Variants in NR6A1 observed in about 807,000 individuals in gnomAD.
The protein encoded by NR6A1 is retinoic acid receptor-related testis-associated receptor.
NR6A1 carries 7 observed loss-of-function variants against 59.1 expected under a neutral mutation model. That is an observed-to-expected ratio of 0.12 (90% CI 0.07 to 0.22). The LOEUF (loss-of-function observed/expected upper bound fraction) is 0.22, where lower values mean the gene tolerates loss of function less well. NR6A1 is among the 10% of genes least tolerant of loss of function. NR6A1 has a pLI of 1.00. For synonymous variants in NR6A1, 243 were observed against 236.1 expected (o/e 1.03, Z -0.27); for missense variants, 468 against 611.6 (o/e 0.77, Z 2.48).
At chr9:124,668,652 A>C (rs1837700286) in intron 2 of NR6A1, among the ~76,000 whole-genome samples, 1 of 152,226 alleles carries the variant, frequency 6.6e-6, no homozygotes, top group Non-Finnish European at 1.5e-5. Flanking sequence ...TCATTTGTTC[A>C]CTTACAAGCA....
chr9:124,708,349 C>T (rs564836998), intron 2 of NR6A1, among the ~76,000 whole-genome samples: 14 of 152,320 alleles, frequency 9.2e-5, no homozygotes, highest in African/African-American at 2.6e-4. Context: ...CCAGGCAACA[C>T]GACAAAACTC....
chr9:124,612,257 G>C (rs1460771787), intron 2 of NR6A1, among the ~76,000 whole-genome samples: 1 of 152,134 alleles, frequency 6.6e-6, no homozygotes, highest in African/African-American at 2.4e-5. Context: ...CACTCTCATA[G>C]TCCACCCAGA....
At chr9:124,751,439 G>A (rs557132534) in intron 1 of NR6A1, among the ~76,000 whole-genome samples, 2 of 152,164 alleles carry the variant, frequency 1.3e-5, no homozygotes, top group East Asian at 1.9e-4. Context: ...AATAACATTC[G>A]AAACTCCTGG....
chr9:124,529,950 A>G (rs1387584095), intron 7 of NR6A1, among the ~76,000 whole-genome samples: 3 of 152,220 alleles, frequency 2.0e-5, no homozygotes, highest in African/African-American at 7.2e-5. Flanking sequence ...AAAGGAGGAC[A>G]CAACGGGAGA....
At chr9:124,651,203 T>C (rs1837092434) in intron 2 of NR6A1, among the ~76,000 whole-genome samples, 2 of 152,140 alleles carry the variant, frequency 1.3e-5, no homozygotes, top group South Asian at 2.1e-4. Context: ...ACTACAAGTG[T>C]GTGCCACTAT....
At chr9:124,617,001 C>G (rs1835913601) in intron 2 of NR6A1, among the ~76,000 whole-genome samples, 2 of 152,104 alleles carry the variant, frequency 1.3e-5, no homozygotes, top group Admixed American at 1.3e-4. Context: ...CACATGTTCA[C>G]AAAAATATAC....
chr9:124,683,398 T>A (rs934339571), intron 2 of NR6A1, among the ~76,000 whole-genome samples: 14 of 152,230 alleles, frequency 9.2e-5, no homozygotes, highest in African/African-American at 3.1e-4. Flanking sequence ...TACAGCAAGC[T>A]GGAAGTTTGG....
chr9:124,637,253 T>C (rs373244849), intron 2 of NR6A1, among the ~76,000 whole-genome samples: 2 of 152,162 alleles, frequency 1.3e-5, no homozygotes, highest in African/African-American at 4.8e-5. Flanking sequence ...CTAAAAACAT[T>C]AGTAATTGTG....
intron 2 of NR6A1, among the ~76,000 whole-genome samples, chr9:124,653,840 T>C (rs182288695): frequency 6.6e-6 from 1 of 152,360 alleles, no homozygotes; most frequent in African/African-American, 2.4e-5. Flanking sequence ...CCTCTTCACT[T>C]ATCAATTTCA....
intron 2 of NR6A1, among the ~76,000 whole-genome samples, chr9:124,668,533 A>T (rs766694786): frequency 6.6e-6 from 1 of 152,248 alleles, no homozygotes; most frequent in Non-Finnish European, 1.5e-5. Flanking sequence ...AGAAAAACAT[A>T]AAAAGGAAAA....
At chr9:124,712,074 G>A (rs114794561) in intron 2 of NR6A1, among the ~76,000 whole-genome samples, 350 of 152,164 alleles carry the variant, frequency 2.3e-3, no homozygotes, top group African/African-American at 7.2e-3. Context: ...TTTGGTTAGG[G>A]CCTGTTGCCA....
intron 2 of NR6A1, among the ~76,000 whole-genome samples, chr9:124,637,007 TA>T (rs746517063): frequency 6.6e-6 from 1 of 152,146 alleles, no homozygotes; most frequent in African/African-American, 2.4e-5. Flanking sequence ...GGAAATAAAC[TA>T]ATGTACTTAC....
chr9:124,702,004 T>C (rs1167284824), intron 2 of NR6A1, among the ~76,000 whole-genome samples: 4 of 152,184 alleles, frequency 2.6e-5, no homozygotes, highest in Admixed American at 6.5e-5. Flanking sequence ...GGATTACAGG[T>C]GTGAGCCACC....
chr9:124,528,489 C>A lies in NR6A1; in HGVS notation c.1080-1589G>T, dbSNP rs1232438542. Among the ~76,000 whole-genome samples, 3 of 152,126 alleles carry A rather than the reference C, an allele frequency of 2.0e-5. No homozygotes were observed. The East Asian group carries it at 5.8e-4, about 29-fold the overall frequency. On this transcript the variant is annotated intron_variant, in intron 7 of 9. Transcript: ENST00000487099. ...GCTGAGGTAGGCAGACTGCTTGAGC[C>A]CAGGAGTTCACGACCAGCCTGGGCA...
At chr9:124,674,852 A>G (rs1159207205) in intron 2 of NR6A1, among the ~76,000 whole-genome samples, 3 of 152,236 alleles carry the variant, frequency 2.0e-5, no homozygotes, top group Non-Finnish European at 4.4e-5. Context: ...TGTATTTTCT[A>G]GCTCCGCCTT....
chr9:124,551,782 G>T (rs1179488789), intron 3 of NR6A1, among the ~76,000 whole-genome samples: 1 of 152,002 alleles, frequency 6.6e-6, no homozygotes, highest in African/African-American at 2.4e-5. Flanking sequence ...TTTTTTTGTG[G>T]TGTAAAGTTC....
intron 2 of NR6A1, among the ~76,000 whole-genome samples, chr9:124,706,283 T>A (rs1282902277): frequency 6.6e-6 from 1 of 152,204 alleles, no homozygotes; most frequent in Non-Finnish European, 1.5e-5. Flanking sequence ...CTCTATATAA[T>A]CTTGTCTTTT....
At chr9:124,574,863 C>T (rs1161180771) in intron 2 of NR6A1, among the ~76,000 whole-genome samples, 2 of 152,134 alleles carry the variant, frequency 1.3e-5, no homozygotes, top group African/African-American at 2.4e-5. Context: ...TATTACCTTT[C>T]GGGTATAAAG....
chr9:124,748,738 G>C (rs967121575), intron 1 of NR6A1, among the ~76,000 whole-genome samples: 12 of 151,874 alleles, frequency 7.9e-5, no homozygotes, highest in African/African-American at 2.7e-4. Flanking sequence ...GGTGGCAGGC[G>C]CCTGTAGTCC....
Sources: gnomAD v4.1 joint callset for allele counts (sites outside exome capture counted in the v4.1 genomes callset) on GRCh38, gnomAD v4.1.1 for gene constraint, MANE v1.5 for transcripts, NCBI Gene and HGNC (gene_info 2026-07-23, HGNC 2026-07-21) for gene names.